Variants in COL22A1 observed in about 807,000 individuals in gnomAD.
COL22A1 encodes the protein collagen type XXII alpha 1 chain.
COL22A1 carries 221 observed loss-of-function variants against 248.9 expected under a neutral mutation model. That is an observed-to-expected ratio of 0.89 (90% CI 0.80 to 0.99). The LOEUF is 0.99. Ranked by LOEUF, COL22A1 falls within the 50% of genes least tolerant of loss-of-function variation. The pLI, the probability that COL22A1 is intolerant of heterozygous loss-of-function variation, is 0.00. For synonymous variants in COL22A1, 891 were observed against 793.4 expected, an observed-to-expected ratio of 1.12 and a Z score of -2.07; for missense variants, 2,240 against 2,179.0, an observed-to-expected ratio of 1.03 and a Z score of -0.56.
chr8:138,651,153 C>G (rs1822697670), intron 45 of COL22A1, among the ~76,000 whole-genome samples: 1 of 152,160 alleles, frequency 6.6e-6, no homozygotes, highest in South Asian at 2.1e-4. Flanking sequence ...CTTTAGAAGT[C>G]TCCCCCTCCA....
At chr8:138,848,418 T>C (rs746708110) in intron 3 of COL22A1, among the ~76,000 whole-genome samples, 28 of 152,168 alleles carry the variant, frequency 1.8e-4, no homozygotes, top group Non-Finnish European at 1.0e-4. Context: ...GAATTTACTG[T>C]GGTCTTCCTG....
At chr8:138,681,484 G>A (rs1359058144) in intron 39 of COL22A1, among the ~76,000 whole-genome samples, 1 of 152,146 alleles carries the variant, frequency 6.6e-6, no homozygotes, top group African/African-American at 2.4e-5. Flanking sequence ...CCACTTTGCT[G>A]CTCCACCATT....
rs185970127 is a variant in COL22A1 at position 138,888,287 on chromosome 8, T to G, written c.-72-5043A>C. ...TGCTGGTAGAAGGAAGCCCAGGGGGTTGTAGGGGAAGGCACAGAGGTGGGG... is the reference window on the plus strand; with the variant it reads ...TGCTGGTAGAAGGAAGCCCAGGGGGGTGTAGGGGAAGGCACAGAGGTGGGG... On this transcript the variant is annotated intron_variant, in intron 1 of 64. Coordinates refer to ENST00000303045, the MANE Select transcript of COL22A1 (RefSeq NM_152888.3). 4.9e-3 allele frequency among the ~76,000 whole-genome samples: 738 copies of G among 151,720 alleles called. 9 individuals are homozygous for G. Among genetic ancestry groups the G allele is most frequent in the African/African-American group, 0.017 (699 of 41,364 alleles).
intron 11 of COL22A1, among the ~76,000 whole-genome samples, chr8:138,798,344 C>T (rs1158330379): frequency 1.3e-5 from 2 of 151,664 alleles, no homozygotes; most frequent in African/African-American, 4.8e-5. Context: ...CACTTTTGTT[C>T]CTTTATTGCT....
At chr8:138,730,434 A>C (rs1830628268) in intron 23 of COL22A1, among the ~76,000 whole-genome samples, 1 of 152,140 alleles carries the variant, frequency 6.6e-6, no homozygotes. Flanking sequence ...CTGGGGTCTT[A>C]AGACAACTCA....
intron 30 of COL22A1, among the ~76,000 whole-genome samples, chr8:138,708,159 A>G (rs568941983): frequency 6.6e-6 from 1 of 152,352 alleles, no homozygotes; most frequent in African/African-American, 2.4e-5. Flanking sequence ...ATGGAAGAAC[A>G]TTCCATGCTC....
At chr8:138,706,107 C>A (rs533634861) in intron 30 of COL22A1, among the ~76,000 whole-genome samples, 1 of 152,278 alleles carries the variant, frequency 6.6e-6, no homozygotes, top group East Asian at 1.9e-4. Context: ...TATATATGCA[C>A]CCAATACAGG....
intron 3 of COL22A1, among the ~76,000 whole-genome samples, chr8:138,875,116 G>A (rs1823617537): frequency 6.6e-6 from 1 of 152,306 alleles, no homozygotes; most frequent in East Asian, 1.9e-4. Context: ...CCTGGAAATG[G>A]AGAGTGGAAT....
intron 18 of COL22A1, among the ~76,000 whole-genome samples, chr8:138,759,763 C>G (rs1833296298): frequency 6.6e-6 from 1 of 151,970 alleles, no homozygotes; most frequent in Non-Finnish European, 1.5e-5. Flanking sequence ...AGATACAACC[C>G]TTATTTTGTT....
intron 61 of COL22A1, 105 bp downstream of exon 61, chr8:138,598,614 G>C: frequency 8.9e-7 from 1 of 1,119,366 alleles, no homozygotes; most frequent in South Asian, 1.6e-5. Flanking sequence ...TCAGTCACTA[G>C]AAGACTGGGA....
intron 60 of COL22A1, among the ~76,000 whole-genome samples, chr8:138,601,691 T>C (rs1360747840): frequency 6.6e-6 from 1 of 152,128 alleles, no homozygotes; most frequent in Non-Finnish European, 1.5e-5. Flanking sequence ...AGGCAATTCA[T>C]TATGGGAAAA....
intron 37 of COL22A1, among the ~76,000 whole-genome samples, chr8:138,686,513 G>A (rs1826365626): frequency 6.6e-6 from 1 of 152,232 alleles, no homozygotes; most frequent in Non-Finnish European, 1.5e-5. Flanking sequence ...TCCAAGCCTG[G>A]AGCAGGATCA....
intron 9 of COL22A1, 31 bp downstream of exon 9, chr8:138,811,768 G>T: frequency 6.2e-7 from 1 of 1,612,348 alleles, no homozygotes; most frequent in Non-Finnish European, 8.5e-7. Flanking sequence ...CCAGGGTTCT[G>T]CTGGGGCTGA....
At chr8:138,786,659 A>G (rs1815549867) in intron 12 of COL22A1, among the ~76,000 whole-genome samples, 1 of 152,210 alleles carries the variant, frequency 6.6e-6, no homozygotes, top group Non-Finnish European at 1.5e-5. Context: ...TAATCCCAGC[A>G]CTTTGGGAGG....
chr8:138,791,326 A>G (rs964487842), intron 12 of COL22A1, among the ~76,000 whole-genome samples: 1 of 152,200 alleles, frequency 6.6e-6, no homozygotes, highest in Non-Finnish European at 1.5e-5. Context: ...ACCTAGAATC[A>G]GCGGGAGACA....
At chr8:138,694,972 C>T in intron 32 of COL22A1, 93 bp from the exon 33 acceptor site, 1 of 1,212,160 alleles carries the variant, frequency 8.2e-7, no homozygotes. Flanking sequence ...CACAGGCCAC[C>T]TCCAGTCCTG....
At chr8:138,853,636 C>G (rs1821800988) in intron 3 of COL22A1, among the ~76,000 whole-genome samples, 1 of 152,170 alleles carries the variant, frequency 6.6e-6, no homozygotes, top group South Asian at 2.1e-4. Flanking sequence ...GCTCATTATT[C>G]CAAGGAGCTC....
intron 3 of COL22A1, among the ~76,000 whole-genome samples, chr8:138,877,318 C>T (rs1370183725): frequency 6.6e-6 from 1 of 152,206 alleles, no homozygotes; most frequent in African/African-American, 2.4e-5. Context: ...CCTTCGGAGA[C>T]CCTGCTATAC....
At chr8:138,821,830 G>A (rs746877014) in intron 6 of COL22A1, among the ~76,000 whole-genome samples, 1 of 152,016 alleles carries the variant, frequency 6.6e-6, no homozygotes, top group Non-Finnish European at 1.5e-5. Context: ...TAAAATCGTG[G>A]GCTGGTTAAA....
Sources: allele counts gnomAD v4.1 joint callset (sites outside exome capture counted in the v4.1 genomes callset), GRCh38; gene constraint gnomAD v4.1.1; transcripts MANE v1.5; gene names NCBI Gene and HGNC (gene_info 2026-07-23, HGNC 2026-07-21).